Variants in KCND2 observed in about 807,000 individuals in gnomAD.
The protein encoded by KCND2 is potassium voltage-gated channel subfamily D member 2, also known as A-type voltage-gated potassium channel KCND2.
Under a neutral mutation model 54.4 loss-of-function variants are expected in KCND2, and 16 were observed. The observed-to-expected ratio is 0.29, with a 90% CI of 0.20 to 0.45. KCND2 has a LOEUF of 0.45. Among genes scored for constraint, KCND2 ranks in the 20% least tolerant of loss-of-function variants. The pLI, the probability that KCND2 is intolerant of heterozygous loss-of-function variation, is 1.00. For missense variants in KCND2, 486 were observed against 824.2 expected, an observed-to-expected ratio of 0.59 and a Z score of 5.02; for synonymous variants, 317 against 310.7, an observed-to-expected ratio of 1.02 and a Z score of -0.21.
intron 1 of KCND2, among the ~76,000 whole-genome samples, chr7:120,478,119 G>C (rs1287368467): frequency 6.6e-6 from 1 of 152,066 alleles, no homozygotes; most frequent in East Asian, 1.9e-4. Context: ...GTAATTTGGA[G>C]CAAACATACA....
chr7:120,671,697 ATTC>A (rs1208473912), intron 1 of KCND2, among the ~76,000 whole-genome samples: 2 of 152,018 alleles, frequency 1.3e-5, no homozygotes, highest in Non-Finnish European at 2.9e-5. Flanking sequence ...TCTGTGACCC[ATTC>A]ACCACTAAAA....
At position 120,274,543 on chromosome 7, in the gene KCND2, G is replaced by C. The variant is rs943230840; in HGVS notation, c.-90G>C. The C allele has an allele frequency of 8.3e-6, 12 of 1,449,906 alleles. No individual in the cohort carries two copies. Among genetic ancestry groups the C allele is most frequent in the Non-Finnish European group, 1.1e-5 (11 of 1,032,074 alleles). The allele number at this position is 1,449,906 out of a possible 1,614,324, so 89.8% of individuals were successfully genotyped here. On this transcript the variant is annotated 5_prime_UTR_variant, in exon 1 of 6. Transcript: ENST00000331113. ...GGACCACGTTTCTCACTAGTACTTT[G>C]CTTGACTGGAGGAAGTGGGTGACTT... is the stretch of plus-strand genomic sequence containing the variant.
At chr7:120,719,440 A>G (rs1378928651) in intron 1 of KCND2, among the ~76,000 whole-genome samples, 5 of 152,218 alleles carry the variant, frequency 3.3e-5, no homozygotes, top group Non-Finnish European at 5.9e-5. Context: ...TCAAGTTGTC[A>G]AACAAATTCT....
chr7:120,687,709 TTTTA>T (rs1311248827), intron 1 of KCND2, among the ~76,000 whole-genome samples: 1 of 152,136 alleles, frequency 6.6e-6, no homozygotes, highest in Non-Finnish European at 1.5e-5. Context: ...CAAATGCAAT[TTTTA>T]TTTGTCAATT....
intron 1 of KCND2, among the ~76,000 whole-genome samples, chr7:120,399,818 C>T (rs892711423): frequency 2.0e-5 from 3 of 149,384 alleles, no homozygotes; most frequent in African/African-American, 7.4e-5. Context: ...CTTGGCCTCC[C>T]AGGTTCAAGC....
chr7:120,473,448 TGA>T (rs1033850271), intron 1 of KCND2, among the ~76,000 whole-genome samples: 2 of 152,182 alleles, frequency 1.3e-5, no homozygotes, highest in Non-Finnish European at 2.9e-5. Flanking sequence ...ATCATTTGGC[TGA>T]GTCTTTCTAG....
At chr7:120,504,929 T>C (rs1240831532) in intron 1 of KCND2, among the ~76,000 whole-genome samples, 1 of 151,616 alleles carries the variant, frequency 6.6e-6, no homozygotes. Flanking sequence ...AGTGTTTGGA[T>C]ATTGGATAAG....
At chr7:120,583,162 A>G (rs1375480796) in intron 1 of KCND2, among the ~76,000 whole-genome samples, 2 of 152,146 alleles carry the variant, frequency 1.3e-5, no homozygotes, top group Non-Finnish European at 1.5e-5. Flanking sequence ...TGTCAGGAGC[A>G]TGGATAAGGA....
intron 1 of KCND2, among the ~76,000 whole-genome samples, chr7:120,381,480 T>C (rs1394163367): frequency 6.6e-6 from 1 of 152,130 alleles, no homozygotes; most frequent in Non-Finnish European, 1.5e-5. Flanking sequence ...ACATGGTAAA[T>C]TTATTTCTGG....
chr7:120,659,927 T>G (rs115018748), intron 1 of KCND2, among the ~76,000 whole-genome samples: 1,603 of 152,276 alleles, frequency 0.011, 9 homozygotes, highest in Non-Finnish European at 0.015. Flanking sequence ...TCAAATTTAA[T>G]TAAGGAAAAT....
chr7:120,612,630 C>T (rs1268253151), intron 1 of KCND2, among the ~76,000 whole-genome samples: 1 of 152,148 alleles, frequency 6.6e-6, no homozygotes, highest in Admixed American at 6.5e-5. Context: ...ACACTAAGAT[C>T]CAAATACCCA....
Position 120,741,644 on chromosome 7 carries a change from A to G in KCND2, c.1374+15A>G. ...ATCAGCTGCAGGTACAATCAATTAC[A>G]TCTCTTTTTTTAATGTTCAATTTCT... On this transcript the variant is annotated intron_variant, in intron 3 of 5. Coordinates refer to ENST00000331113, the MANE Select transcript of KCND2 (RefSeq NM_012281.3). The G allele has an allele frequency of 6.4e-7, 1 of 1,552,468 alleles. No homozygotes were observed. Among genetic ancestry groups the G allele is most frequent in the Non-Finnish European group, 8.9e-7 (1 of 1,124,402 alleles).
At chr7:120,335,998 G>C (rs1162135173) in intron 1 of KCND2, among the ~76,000 whole-genome samples, 2 of 151,964 alleles carry the variant, frequency 1.3e-5, no homozygotes, top group African/African-American at 4.8e-5. Flanking sequence ...TATTGCATAA[G>C]GAGTAAAAAC....
At chr7:120,687,295 C>T (rs1072198) in intron 1 of KCND2, among the ~76,000 whole-genome samples, 95,207 of 151,842 alleles carry the variant, frequency 0.63, 30,651 homozygotes, top group East Asian at 0.92. Flanking sequence ...AATAGGAAGT[C>T]GATCTTCAGC....
chr7:120,691,547 G>C (rs924770164), intron 1 of KCND2, among the ~76,000 whole-genome samples: 2 of 152,142 alleles, frequency 1.3e-5, no homozygotes, highest in Non-Finnish European at 2.9e-5. Flanking sequence ...AAGTAAACTG[G>C]GGGAGACAGG....
intron 1 of KCND2, among the ~76,000 whole-genome samples, chr7:120,721,974 G>C (rs66806979): frequency 0.27 from 41,333 of 151,892 alleles, 6,104 homozygotes; most frequent in East Asian, 0.43. Context: ...TCACTTGGCC[G>C]TCACTCTCCC....
intron 1 of KCND2, among the ~76,000 whole-genome samples, chr7:120,624,069 G>A (rs1793135326): frequency 6.6e-6 from 1 of 152,150 alleles, no homozygotes; most frequent in African/African-American, 2.4e-5. Context: ...AAGTTATTCT[G>A]TATAAAATTG....
chr7:120,517,007 C>CTAT (rs1803206304), intron 1 of KCND2, among the ~76,000 whole-genome samples: 1 of 152,092 alleles, frequency 6.6e-6, no homozygotes, highest in Non-Finnish European at 1.5e-5. Flanking sequence ...CCAAAGGAAA[C>CTAT]TATTTGATCC....
intron 1 of KCND2, among the ~76,000 whole-genome samples, chr7:120,292,424 C>T (rs1584715667): frequency 6.6e-6 from 1 of 151,876 alleles, no homozygotes. Flanking sequence ...ACATGTTTCA[C>T]AGATATAGAC....
Sources: allele counts gnomAD v4.1 joint callset (sites outside exome capture counted in the v4.1 genomes callset), GRCh38; gene constraint gnomAD v4.1.1; transcripts MANE v1.5; gene names NCBI Gene and HGNC (gene_info 2026-07-23, HGNC 2026-07-21).